Variants in STPG1 observed in about 807,000 individuals in gnomAD.
STPG1 encodes the protein sperm tail PG-rich repeat containing 1.
STPG1 carries 33 observed loss-of-function variants against 40.1 expected under a neutral mutation model. That is an observed-to-expected ratio of 0.82 (90% confidence interval 0.62 to 1.10). STPG1 has a LOEUF of 1.10. STPG1 is among the 50% of genes least tolerant of loss of function. The pLI is 0.00. For missense variants in STPG1, 396 were observed against 415.1 expected, an observed-to-expected ratio of 0.95 and a Z score of 0.40; for synonymous variants, 150 against 155.0, an observed-to-expected ratio of 0.97 and a Z score of 0.24.
At chr1:24,368,330 G>T (rs760018151) in intron 7 of STPG1, among the ~76,000 whole-genome samples, 4 of 152,158 alleles carry the variant, frequency 2.6e-5, no homozygotes, top group Non-Finnish European at 5.9e-5. Flanking sequence ...AGCCTCCCTG[G>T]GTTGCCTGGA....
intron 2 of STPG1, among the ~76,000 whole-genome samples, chr1:24,393,618 T>C (rs1437609375): frequency 6.6e-6 from 1 of 152,170 alleles, no homozygotes; most frequent in Non-Finnish European, 1.5e-5. Context: ...ATAACAGAAA[T>C]GCATGTGTCA....
chr1:24,413,481 C>T (rs1432159074), intron 1 of STPG1, among the ~76,000 whole-genome samples, 193 bp downstream of exon 1: 2 of 152,266 alleles, frequency 1.3e-5, no homozygotes, highest in East Asian at 3.8e-4. Context: ...ACCGAGGACA[C>T]GCCCCGACGC....
At chr1:24,391,488 A>G in intron 3 of STPG1, 73 bp downstream of exon 3, 1 of 952,850 alleles carries the variant, frequency 1.0e-6, no homozygotes, top group South Asian at 1.5e-5. Flanking sequence ...CACAGCAGCC[A>G]GACAGAACGT....
At position 24,360,937 on chromosome 1, in the gene STPG1, C is replaced by T. The variant is rs747319327; in HGVS notation, c.842G>A (p.Arg281His). The T allele has an allele frequency of 5.9e-5, 95 of 1,613,838 alleles. No individual in the cohort carries two copies. The highest frequency in any genetic ancestry group is 1.6e-4 in the Middle Eastern group (1 of 6,084). ...TGATGCACTAGAGATGAAATGCTTG[C>T]GGGGGCCTAAGTAGTCCACGATCTC... is the stretch of plus-strand genomic sequence containing the variant. The part of the protein sequence containing the change: ...QYEIVDYLGP[R>H]KHFISSASFV... The change falls in exon 8 of 9, where the codon CGC (arginine) becomes CAC (histidine). Residue 281 changes from arginine (R) to histidine (H), a missense_variant. Coordinates refer to ENST00000337248, the MANE Select transcript of STPG1 (RefSeq NM_001199013.2).
chr1:24,408,490 T>C (rs1276316389), intron 1 of STPG1, among the ~76,000 whole-genome samples: 1 of 152,232 alleles, frequency 6.6e-6, no homozygotes, highest in Non-Finnish European at 1.5e-5. Context: ...AATTCTAGCC[T>C]CTTTGGCCTC....
intron 2 of STPG1, 110 bp from the exon 3 acceptor site, chr1:24,391,789 AAAC>A: frequency 8.4e-7 from 1 of 1,189,390 alleles, no homozygotes. Context: ...TAGAGAAGAG[AAAC>A]TTGCCTTTTG....
At chr1:24,372,041 G>A (rs1641771340) in intron 6 of STPG1, among the ~76,000 whole-genome samples, 1 of 152,194 alleles carries the variant, frequency 6.6e-6, no homozygotes, top group African/African-American at 2.4e-5. Context: ...AGCCGGGCGT[G>A]GCGGCGCATG....
chr1:24,396,295 CT>C (rs796958537), intron 2 of STPG1, among the ~76,000 whole-genome samples: 4,406 of 111,836 alleles, frequency 0.039, 231 homozygotes, highest in African/African-American at 0.14. Context: ...ATCTATCTAT[CT>C]ATCATCTATC....
intron 1 of STPG1, among the ~76,000 whole-genome samples, chr1:24,404,219 T>C (rs1325301152): frequency 6.6e-6 from 1 of 152,210 alleles, no homozygotes; most frequent in Non-Finnish European, 1.5e-5. Flanking sequence ...AATATATTAA[T>C]TGAATTACAT....
Position 24,374,244 on chromosome 1 carries a change from G to T in STPG1, c.463-434C>A, listed in dbSNP as rs1435784745. On this transcript the variant is annotated intron_variant, in intron 5 of 8. Transcript: ENST00000337248. ...CAGCAGAGATCACCGCTAGGAAAGTGTTTTTTTTTTTTGTTTTTTTTTTTT... is the reference window on the plus strand; with the variant it reads ...CAGCAGAGATCACCGCTAGGAAAGTTTTTTTTTTTTTTGTTTTTTTTTTTT... 7.4e-4 allele frequency among the ~76,000 whole-genome samples: 69 copies of T among 93,274 alleles called. 4 individuals carry two copies. Among genetic ancestry groups the T allele is most frequent in the African/African-American group, 2.8e-3 (58 of 21,084 alleles). The allele number at this position is 93,274 out of a possible 152,430, so 61.2% of individuals were successfully genotyped here.
chr1:24,383,794 A>T, intron 4 of STPG1, 108 bp downstream of exon 4: 1 of 747,932 alleles, frequency 1.3e-6, no homozygotes, highest in Non-Finnish European at 2.3e-6. Flanking sequence ...CCTAATTAGA[A>T]CCATAGGCCT....
intron 2 of STPG1, 84 bp from the exon 3 acceptor site, chr1:24,391,763 G>A (rs1570067419): frequency 2.5e-6 from 3 of 1,208,416 alleles, no homozygotes; most frequent in South Asian, 1.8e-5. Context: ...GTATATTAAA[G>A]TTTTATTTTA....
At chr1:24,385,650 TAGTA>T (rs1314227681) in intron 3 of STPG1, among the ~76,000 whole-genome samples, 1 of 152,162 alleles carries the variant, frequency 6.6e-6, no homozygotes, top group Non-Finnish European at 1.5e-5. Flanking sequence ...CCCACATAAC[TAGTA>T]AATGTCAGAG....
intron 7 of STPG1, among the ~76,000 whole-genome samples, chr1:24,367,613 G>C (rs369189098): frequency 6.6e-6 from 1 of 152,082 alleles, no homozygotes; most frequent in Non-Finnish European, 1.5e-5. Context: ...CCACCTCCCC[G>C]GTTCAAGCAA....
intron 7 of STPG1, among the ~76,000 whole-genome samples, chr1:24,362,116 A>G (rs1337907812): frequency 3.3e-5 from 5 of 152,180 alleles, no homozygotes; most frequent in African/African-American, 1.2e-4. Context: ...CCAGCACTCA[A>G]TGACCAAGGG....
rs1480943139 is a variant in STPG1, at chr1:24,369,838, C to T, written c.573G>A (p.Gly191=). ...FAFADKGPPP[G]HYDINESLVK... ...CAAGGGATTCGTTGATATCATAATGCCCTAAGGAGAAAGAAATTTTAGGAC... is the reference window on the plus strand; with the variant it reads ...CAAGGGATTCGTTGATATCATAATGTCCTAAGGAGAAAGAAATTTTAGGAC... The change falls in exon 7 of 9, where the codon GGG becomes GGA. Residue 191 remains glycine (G), a splice_region_variant and synonymous_variant. Coordinates refer to ENST00000337248, the MANE Select transcript of STPG1 (RefSeq NM_001199013.2). 1 of 1,582,116 alleles carries T rather than the reference C, an allele frequency of 6.3e-7. No individual in the cohort carries two copies. The highest frequency in any genetic ancestry group is 8.6e-7 in the Non-Finnish European group (1 of 1,163,058).
At chr1:24,378,203 T>C (rs1176620618) in intron 5 of STPG1, among the ~76,000 whole-genome samples, 3 of 152,160 alleles carry the variant, frequency 2.0e-5, no homozygotes, top group African/African-American at 7.2e-5. Flanking sequence ...ACAAGGAAAA[T>C]AGTCTTCCTC....
chr1:24,401,225 T>TA, intron 2 of STPG1, 94 bp downstream of exon 2: 1 of 1,082,702 alleles, frequency 9.2e-7, no homozygotes, highest in Non-Finnish European at 1.4e-6. Context: ...CCTGTGGATA[T>TA]AACCCAGGAC....
chr1:24,387,446 A>G (rs1045789969), intron 3 of STPG1, among the ~76,000 whole-genome samples: 1 of 152,146 alleles, frequency 6.6e-6, no homozygotes, highest in African/African-American at 2.4e-5. Flanking sequence ...CAGCACACAC[A>G]TTAACCTTGT....
Sources: allele counts gnomAD v4.1 joint callset (sites outside exome capture counted in the v4.1 genomes callset), GRCh38; gene constraint gnomAD v4.1.1; transcripts MANE v1.5; gene names NCBI Gene and HGNC (gene_info 2026-07-23, HGNC 2026-07-21).